Variants in IDE observed in about 807,000 individuals in gnomAD.
IDE encodes insulin-degrading enzyme.
In IDE, 58 loss-of-function variants were observed where a neutral mutation model predicts 133.2. The observed-to-expected ratio is 0.44, with a 90% CI of 0.35 to 0.54. IDE has a LOEUF of 0.54. Ranked by LOEUF, IDE falls within the 20% of genes least tolerant of loss-of-function variation. The probability of loss-of-function intolerance (pLI) is 0.00; values close to 1 mark genes in which losing one functional copy is unlikely to be tolerated. For synonymous variants in IDE, 396 were observed against 421.3 expected (o/e 0.94, Z 0.73); for missense variants, 981 against 1,234.0 (o/e 0.79, Z 3.07).
intron 1 of IDE, among the ~76,000 whole-genome samples, chr10:92,540,831 C>T (rs1467266238): frequency 6.6e-6 from 1 of 152,016 alleles, no homozygotes; most frequent in Non-Finnish European, 1.5e-5. Flanking sequence ...TACTTTTTTT[C>T]AGGGTTTCAA....
At chr10:92,502,021 T>C (rs1848052512) in intron 11 of IDE, among the ~76,000 whole-genome samples, 1 of 151,996 alleles carries the variant, frequency 6.6e-6, no homozygotes, top group Non-Finnish European at 1.5e-5. Context: ...CTTGCACCCA[T>C]AATCCCAGCT....
At chr10:92,469,033 C>T in intron 18 of IDE, 43 bp from the exon 19 acceptor site, 1 of 1,095,384 alleles carries the variant, frequency 9.1e-7, no homozygotes, top group Admixed American at 1.8e-5. Flanking sequence ...AAAACATAAA[C>T]ATATCTTGTT....
intron 1 of IDE, among the ~76,000 whole-genome samples, chr10:92,542,429 A>G (rs1347366314): frequency 6.6e-6 from 1 of 152,252 alleles, no homozygotes; most frequent in African/African-American, 2.4e-5. Flanking sequence ...TTCTGGGACT[A>G]CAGGCATGGG....
chr10:92,499,227 A>T (rs1847880265), intron 11 of IDE, among the ~76,000 whole-genome samples: 1 of 151,772 alleles, frequency 6.6e-6, no homozygotes, highest in Non-Finnish European at 1.5e-5. Flanking sequence ...TCTTTTGCCC[A>T]GGGTGGAGTC....
At chr10:92,552,889 A>G (rs1179362690) in intron 1 of IDE, among the ~76,000 whole-genome samples, 1 of 144,154 alleles carries the variant, frequency 6.9e-6, no homozygotes, top group Non-Finnish European at 1.5e-5. Flanking sequence ...TTATTTTCCA[A>G]TAAAAGGAAC....
chr10:92,481,277 T>A (rs1846592200), intron 14 of IDE, among the ~76,000 whole-genome samples: 1 of 152,004 alleles, frequency 6.6e-6, no homozygotes, highest in South Asian at 2.1e-4. Context: ...CCAAGGAGTG[T>A]CCTAAAATGC....
chr10:92,490,627 T>G, intron 11 of IDE, 32 bp from the exon 12 acceptor site: 1 of 1,248,864 alleles, frequency 8.0e-7, no homozygotes, highest in Non-Finnish European at 1.2e-6. Flanking sequence ...AAAAAAACCC[T>G]GTAAACTCAT....
At chr10:92,522,691 C>A (rs1284419404) in intron 4 of IDE, among the ~76,000 whole-genome samples, 1 of 152,106 alleles carries the variant, frequency 6.6e-6, no homozygotes, top group African/African-American at 2.4e-5. Flanking sequence ...CAAATCTGGG[C>A]ACAGATCCTG....
intron 5 of IDE, among the ~76,000 whole-genome samples, chr10:92,512,578 C>T (rs1173633101): frequency 1.3e-5 from 2 of 151,198 alleles, no homozygotes. Context: ...AAAAAAACAC[C>T]CAGCTTTGGC....
chr10:92,501,213 T>C (rs1847987805), intron 11 of IDE, among the ~76,000 whole-genome samples: 1 of 147,668 alleles, frequency 6.8e-6, no homozygotes, highest in Non-Finnish European at 1.5e-5. Flanking sequence ...ATTAAAAAAT[T>C]AGCTGGGCAT....
chr10:92,460,040 T>C (rs1025355433), intron 22 of IDE, among the ~76,000 whole-genome samples: 3 of 152,000 alleles, frequency 2.0e-5, no homozygotes. Flanking sequence ...GGTTTCACTA[T>C]GTTGGCCAGG....
Position 92,556,150 on chromosome 10 carries a change from G to A in IDE, c.98+17772C>T, listed in dbSNP as rs181600760. Among the ~76,000 whole-genome samples the A allele has an allele frequency of 8.1e-3, 1,055 of 129,802 alleles. 13 individuals carry two copies. Among genetic ancestry groups the A allele is most frequent in the African/African-American group, 0.031 (1,005 of 32,860 alleles). 85.2% of individuals were successfully genotyped at this position (129,802 alleles called of 152,430 possible). ...ATTGCACCACTGCAGTCCGCAGTCC[G>A]GCCTGGGTGACAGAGCGAGACTCCG... On this transcript the variant is annotated intron_variant, in intron 1 of 24. Coordinates refer to ENST00000265986, the MANE Select transcript of IDE (RefSeq NM_004969.4).
chr10:92,486,086 TG>T (rs2135439252), intron 13 of IDE, among the ~76,000 whole-genome samples: 1 of 152,260 alleles, frequency 6.6e-6, no homozygotes, highest in African/African-American at 2.4e-5. Flanking sequence ...TGGTGGCTCA[TG>T]CCTCTAATCC....
At chr10:92,465,947 A>T in intron 19 of IDE, 104 bp from the exon 20 acceptor site, 1 of 955,542 alleles carries the variant, frequency 1.0e-6, no homozygotes. Context: ...TTTAGACATT[A>T]ATAGAAAAGG....
In IDE at chr10:92,524,412, T is replaced by TTA. The variant is rs1849447147; in HGVS notation, c.661+7334_661+7335dup. On this transcript the variant is annotated intron_variant, in intron 4 of 24. Transcript: ENST00000265986. ...TATTTTATATAATATATAATATATA[T>TTA]TATATTATATATAATATATTTTATA... Among the ~76,000 whole-genome samples, 6 of 36,786 alleles carry TTA rather than the reference T, an allele frequency of 1.6e-4. 1 individual carries two copies. The highest frequency in any genetic ancestry group is 1.1e-3 in the East Asian group (2 of 1,764). The allele number at this position is 36,786 out of a possible 152,430, so 24.1% of individuals were successfully genotyped here.
At chr10:92,457,931 G>C (rs1230704223) in intron 22 of IDE, among the ~76,000 whole-genome samples, 1 of 152,138 alleles carries the variant, frequency 6.6e-6, no homozygotes, top group Non-Finnish European at 1.5e-5. Context: ...GCCCAGGTCT[G>C]CCTCTATTAA....
chr10:92,499,763 T>C (rs1009622877), intron 11 of IDE, among the ~76,000 whole-genome samples: 3 of 152,180 alleles, frequency 2.0e-5, no homozygotes, highest in African/African-American at 7.2e-5. Context: ...CTGCTTTTCA[T>C]GTTCTATCTG....
intron 19 of IDE, 142 bp downstream of exon 19, chr10:92,468,737 A>C (rs538854922): frequency 6.0e-6 from 3 of 502,314 alleles, no homozygotes; most frequent in African/African-American, 5.8e-5. Context: ...AGAATTACCT[A>C]TCTCTAATCA....
At chr10:92,464,149 G>C in intron 20 of IDE, 146 bp from the exon 21 acceptor site, 1 of 767,582 alleles carries the variant, frequency 1.3e-6, no homozygotes, top group Non-Finnish European at 2.1e-6. Flanking sequence ...GAGCACTTAA[G>C]ATGGTTTCAG....
Sources: gnomAD v4.1 joint callset for allele counts (sites outside exome capture counted in the v4.1 genomes callset) on GRCh38, gnomAD v4.1.1 for gene constraint, MANE v1.5 for transcripts, NCBI Gene and HGNC (gene_info 2026-07-23, HGNC 2026-07-21) for gene names.